Variants in TOGARAM1 observed in about 807,000 individuals in gnomAD.
The protein encoded by TOGARAM1 is TOG array regulator of axonemal microtubules protein 1.
Under a neutral mutation model 166.6 loss-of-function variants are expected in TOGARAM1, and 100 were observed. That is an observed-to-expected ratio of 0.60 (90% CI 0.51 to 0.71). The LOEUF (loss-of-function observed/expected upper bound fraction) is 0.71, where lower values mean the gene tolerates loss of function less well. Among genes scored for constraint, TOGARAM1 ranks in the 30% least tolerant of loss-of-function variants. The probability of loss-of-function intolerance (pLI) is 0.00; values close to 1 mark genes in which losing one functional copy is unlikely to be tolerated. For missense variants in TOGARAM1, 2,029 were observed against 2,102.7 expected (o/e 0.96, Z 0.69); for synonymous variants, 758 against 763.8 (o/e 0.99, Z 0.13).
At chr14:45,060,856 A>G (rs1882873254) in intron 16 of TOGARAM1, among the ~76,000 whole-genome samples, 1 of 152,220 alleles carries the variant, frequency 6.6e-6, no homozygotes, top group Non-Finnish European at 1.5e-5. Flanking sequence ...ATGTCTTACT[A>G]CTGATAACTT....
At position 45,073,688 on chromosome 14, in the gene TOGARAM1, T is replaced by C. The variant is rs1376529502; in HGVS notation, c.*127T>C. On this transcript the variant is annotated 3_prime_UTR_variant, in exon 20 of 20. Coordinates refer to ENST00000361462, the MANE Select transcript of TOGARAM1 (RefSeq NM_001308120.2). ...AATTAAGTCAATGGCTATTTTTATT[T>C]GCAGCCTATGAGTACACATCTGTCC... is the stretch of plus-strand genomic sequence containing the variant. 1 of 842,656 alleles carries C rather than the reference T, an allele frequency of 1.2e-6. No individual in the cohort carries two copies. Among genetic ancestry groups the C allele is most frequent in the Admixed American group, 2.7e-5 (1 of 36,840 alleles). The allele number at this position is 842,656 out of a possible 1,614,324, so 52.2% of individuals were successfully genotyped here. A position where few individuals can be genotyped will look rare whatever the true frequency, so the allele number is the denominator to read the frequency against.
At chr14:45,006,393 A>G in intron 5 of TOGARAM1, 126 bp downstream of exon 5, 1 of 701,550 alleles carries the variant, frequency 1.4e-6, no homozygotes, top group Non-Finnish European at 2.2e-6. Context: ...TGTTCATTAT[A>G]GAAAATGTGG....
chr14:44,993,104 A>G (rs1427416212), intron 1 of TOGARAM1, among the ~76,000 whole-genome samples: 1 of 151,470 alleles, frequency 6.6e-6, no homozygotes, highest in Non-Finnish European at 1.5e-5. Context: ...AAAATAAAGT[A>G]AAATAAAATA....
intron 1 of TOGARAM1, among the ~76,000 whole-genome samples, chr14:44,977,963 G>C (rs1185968206): frequency 6.6e-6 from 1 of 152,132 alleles, no homozygotes; most frequent in African/African-American, 2.4e-5. Context: ...CCTTCTTTTT[G>C]AAAAGAACTG....
At chr14:44,999,627 A>G in intron 3 of TOGARAM1, 130 bp downstream of exon 3, 1 of 759,604 alleles carries the variant, frequency 1.3e-6, no homozygotes. Context: ...TTATATTTTT[A>G]ATAACTTTTT....
chr14:45,004,283 A>G lies in TOGARAM1; in HGVS notation c.2561A>G (p.Lys854Arg), dbSNP rs914381399. 6.8e-6 allele frequency: 11 copies of G among 1,614,040 alleles called. No homozygotes were observed. In the African/African-American group the frequency reaches 8.0e-5, roughly 12 times the overall value. Reference sequence around the variant, plus strand: ...AATTTCTCAAATTCCTGGCCTCTTAAAAGCTTCGAAGGACTATCAAAGCCA... The same window carrying G: ...AATTTCTCAAATTCCTGGCCTCTTAGAAGCTTCGAAGGACTATCAAAGCCA... Reference protein sequence around the residue: ...SVNFSNSWPLKSFEGLSKPSP... With the variant: ...SVNFSNSWPLRSFEGLSKPSP... Residue 854 changes from lysine (K) to arginine (R), a missense_variant, in exon 4 of 20, where the codon AAA becomes AGA. Physicochemically the swap from Lys to Arg is conservative, Grantham distance 26. Coordinates refer to ENST00000361462, the MANE Select transcript of TOGARAM1 (RefSeq NM_001308120.2).
intron 10 of TOGARAM1, 22 bp downstream of exon 10, chr14:45,028,351 G>T (rs755881560): frequency 3.8e-5 from 60 of 1,577,064 alleles, no homozygotes; most frequent in Non-Finnish European, 5.0e-5. Context: ...TTAAGTTTTG[G>T]TATTTTTTTT....
At chr14:45,054,889 A>G (rs551838606) in intron 16 of TOGARAM1, among the ~76,000 whole-genome samples, 46 of 151,450 alleles carry the variant, frequency 3.0e-4, no homozygotes, top group African/African-American at 1.0e-3. Context: ...GTTAAAGGGG[A>G]AAAAAAAACC....
chr14:45,069,474 G>A (rs1401522833), intron 18 of TOGARAM1, among the ~76,000 whole-genome samples: 1 of 151,820 alleles, frequency 6.6e-6, no homozygotes, highest in Non-Finnish European at 1.5e-5. Context: ...CCTAGAATAT[G>A]TAAAGAAATC....
chr14:45,013,750 T>A (rs1879949980), intron 7 of TOGARAM1, among the ~76,000 whole-genome samples: 1 of 152,122 alleles, frequency 6.6e-6, no homozygotes, highest in Non-Finnish European at 1.5e-5. Context: ...CATAAACTTA[T>A]CCTTAATCCT....
At chr14:45,044,449 G>A (rs891181851) in intron 12 of TOGARAM1, among the ~76,000 whole-genome samples, 186 bp from the exon 13 acceptor site, 1 of 151,846 alleles carries the variant, frequency 6.6e-6, no homozygotes, top group Non-Finnish European at 1.5e-5. Flanking sequence ...GCTGAGGCAA[G>A]AGAATTGCTT....
At chr14:44,991,275 T>C in intron 1 of TOGARAM1, among the ~76,000 whole-genome samples, 1 of 141,690 alleles carries the variant, frequency 7.1e-6, no homozygotes, top group East Asian at 2.0e-4. Flanking sequence ...TTTGTTTTTG[T>C]TTTTTTTTTA....
rs749332876 is a variant in TOGARAM1, at chr14:44,962,397, A to AACC, written c.-15_-13dup. ...TTTGGAGACGGCAATGGTTTCTTCC[A>AACC]ACCACCACCACCTGACAACCCTGCA... On this transcript the variant is annotated 5_prime_UTR_variant, in exon 1 of 20. Transcript: ENST00000361462. The AACC allele has an allele frequency of 9.2e-6, 14 of 1,518,486 alleles. No individual in the cohort carries two copies. The highest frequency in any genetic ancestry group is 2.8e-5 in the African/African-American group (2 of 71,886). The allele number at this position is 1,518,486 out of a possible 1,614,324, so 94.1% of individuals were successfully genotyped here.
intron 1 of TOGARAM1, chr14:44,995,400 C>T: frequency 2.2e-6 from 1 of 451,610 alleles, no homozygotes; most frequent in Admixed American, 2.4e-5. Flanking sequence ...GTCTAGTACT[C>T]AAACAAAGAT....
chr14:45,044,229 T>G (rs1004113724), intron 12 of TOGARAM1, among the ~76,000 whole-genome samples: 3 of 152,070 alleles, frequency 2.0e-5, no homozygotes, highest in Non-Finnish European at 2.9e-5. Context: ...AGGCTGGTCT[T>G]GAACTCCTGA....
At chr14:45,024,449 A>AG (rs60820444) in intron 7 of TOGARAM1, among the ~76,000 whole-genome samples, 35 of 152,100 alleles carry the variant, frequency 2.3e-4, no homozygotes, top group African/African-American at 8.2e-4. Flanking sequence ...TTTAAGAAAA[A>AG]TATAGTGTAA....
chr14:44,988,551 A>T (rs777184731), intron 1 of TOGARAM1, among the ~76,000 whole-genome samples: 69 of 152,244 alleles, frequency 4.5e-4, no homozygotes, highest in Non-Finnish European at 6.9e-4. Flanking sequence ...TGATCAGTTA[A>T]AGAGACAAAA....
At chr14:45,007,438 G>A (rs1343264102) in intron 5 of TOGARAM1, 1 of 151,568 alleles carries the variant, frequency 6.6e-6, no homozygotes, top group Admixed American at 6.6e-5. Flanking sequence ...AATTTCACCT[G>A]ATCCTACATA....
At chr14:45,059,659 AAAAACAAAAC>A (rs530739583) in intron 16 of TOGARAM1, among the ~76,000 whole-genome samples, 3,581 of 151,974 alleles carry the variant, frequency 0.024, 140 homozygotes, top group African/African-American at 0.082. Context: ...CTGTCTCAAA[AAAAACAAAAC>A]AAAACAAAAC....
Sources: allele counts gnomAD v4.1 joint callset (sites outside exome capture counted in the v4.1 genomes callset), GRCh38; gene constraint gnomAD v4.1.1; transcripts MANE v1.5; gene names NCBI Gene and HGNC (gene_info 2026-07-23, HGNC 2026-07-21).